AFAP1L2: variants seen among roughly 807,000 people sequenced by gnomAD.
AFAP1L2 encodes the protein actin filament associated protein 1 like 2, also known as actin filament-associated protein 1-like 2.
A neutral mutation model predicts 99.3 loss-of-function variants in AFAP1L2; 46 were observed. That is an observed-to-expected ratio of 0.46 (90% CI 0.37 to 0.59). AFAP1L2 has a LOEUF of 0.59. Ranked by LOEUF, AFAP1L2 falls within the 20% of genes least tolerant of loss-of-function variation. The pLI, the probability that AFAP1L2 is intolerant of heterozygous loss-of-function variation, is 0.00. For missense variants in AFAP1L2, 959 were observed against 1,034.9 expected, an observed-to-expected ratio of 0.93 and a Z score of 1.01; for synonymous variants, 397 against 419.1, an observed-to-expected ratio of 0.95 and a Z score of 0.64.
the AFAP1L2 span, chr10:114,289,478 G>C: frequency 1.2e-6 from 2 of 1,614,080 alleles, no homozygotes; most frequent in African/African-American, 2.7e-5. Flanking sequence ...CTCATTGAGT[G>C]GCTGTGTGGA....
At chr10:114,359,874 C>T (rs1248353589) in intron 1 of AFAP1L2, among the ~76,000 whole-genome samples, 1 of 152,012 alleles carries the variant, frequency 6.6e-6, no homozygotes, top group Non-Finnish European at 1.5e-5. Context: ...TGCCTTGGCC[C>T]CTCCAATCCT....
rs1398189215 is a variant in AFAP1L2 at position 114,300,673 on chromosome 10, T to G, written c.1560A>C (p.Glu520Asp). The change falls in exon 14 of 19, where the codon GAA (glutamate) becomes GAC (aspartate). Residue 520 changes from glutamate (E) to aspartate (D), a missense_variant. By Grantham distance (45) the Glu-to-Asp change is conservative. This residue lies in a region of AFAP1L2 where 576 missense variants were observed against 562.1 expected (regional missense o/e 1.02). Transcript: ENST00000304129. ...TTGGGTCATCTGCAACAGGGGTGGC[T>G]TCCTCGGTAGGCTCCACCTGCAGGA... Reference protein sequence around the residue: ...ELTAAVEPTEEATPVADDPNE... With the variant: ...ELTAAVEPTEDATPVADDPNE... 1.3e-6 allele frequency: 2 copies of G among 1,596,990 alleles called. No homozygotes were observed. Among genetic ancestry groups the G allele is most frequent in the Non-Finnish European group, 1.7e-6 (2 of 1,170,824 alleles).
At chr10:114,296,151 G>T in intron 18 of AFAP1L2, 83 bp from the exon 19 acceptor site, 1 of 1,573,356 alleles carries the variant, frequency 6.4e-7, no homozygotes, top group Non-Finnish European at 8.7e-7. Flanking sequence ...GATATACATA[G>T]AAAAAATGTG....
At position 114,308,451 on chromosome 10, in the gene AFAP1L2, C is replaced by A; in HGVS notation, c.949G>T (p.Val317Phe). Residue 317 changes from valine to phenylalanine, a missense_variant, in exon 9 of 19, where the codon GTC becomes TTC. Physicochemically the swap from Val to Phe is conservative, Grantham distance 50 (BLOSUM62 -1). This residue lies in a region of AFAP1L2 where 383 missense variants were observed against 472.8 expected (regional missense o/e 0.81). Transcript: ENST00000304129. ...ATGTTACCGTCTTTGGTTTCTGGGA[C>A]CTCAGGGTGGCCATCCACGGAGCTC... is the stretch of plus-strand genomic sequence containing the variant. ...YGSSVDGHPEVPETKDVKKKC... is the reference protein window; with the variant it reads ...YGSSVDGHPEFPETKDVKKKC... 1 of 1,614,160 alleles carries A rather than the reference C, an allele frequency of 6.2e-7. No individual in the cohort carries two copies. The highest frequency in any genetic ancestry group is 8.5e-7 in the Non-Finnish European group (1 of 1,180,000).
downstream of AFAP1L2, among the ~76,000 whole-genome samples, chr10:114,294,178 C>CATT (rs1002167591): frequency 2.6e-5 from 4 of 152,136 alleles, no homozygotes; most frequent in Non-Finnish European, 5.9e-5. Context: ...CTGAATTTTT[C>CATT]ATTTGCCAAC....
downstream of AFAP1L2, among the ~76,000 whole-genome samples, chr10:114,293,025 T>TTG (rs1184775655): frequency 6.6e-6 from 1 of 152,218 alleles, no homozygotes; most frequent in Non-Finnish European, 1.5e-5. Flanking sequence ...TTTATAAATA[T>TTG]TGTAACATAA....
intron 1 of AFAP1L2, among the ~76,000 whole-genome samples, chr10:114,354,445 G>A (rs1451536909): frequency 6.6e-6 from 1 of 152,096 alleles, no homozygotes; most frequent in Non-Finnish European, 1.5e-5. Context: ...AATAATGAGT[G>A]GAAATTAATC....
the AFAP1L2 span, among the ~76,000 whole-genome samples, chr10:114,288,743 C>A: frequency 2.6e-5 from 4 of 152,366 alleles, no homozygotes; most frequent in East Asian, 5.8e-4. Flanking sequence ...TGTGGTCTGG[C>A]AGGCACTCAT....
chr10:114,289,302 A>G, the AFAP1L2 span: 1 of 1,614,078 alleles, frequency 6.2e-7, no homozygotes, highest in Non-Finnish European at 8.5e-7. Flanking sequence ...GGAGAGGCGC[A>G]GAGGATGCAG....
chr10:114,286,206 C>T, the AFAP1L2 span: 96 of 1,613,956 alleles, frequency 5.9e-5, no homozygotes, highest in Middle Eastern at 6.6e-4. Flanking sequence ...CCCACCCTGA[C>T]GGGCAGTGCC....
At chr10:114,356,452 A>G (rs2051402760) in intron 1 of AFAP1L2, among the ~76,000 whole-genome samples, 1 of 152,238 alleles carries the variant, frequency 6.6e-6, no homozygotes, top group Non-Finnish European at 1.5e-5. Flanking sequence ...ACATGTTGAA[A>G]TGATGATATT....
intron 4 of AFAP1L2, chr10:114,326,162 G>A (rs1234029047): frequency 3.1e-6 from 2 of 647,042 alleles, no homozygotes; most frequent in African/African-American, 1.9e-5. Context: ...GCCAGGCAGT[G>A]TTTTGTGAGT....
intron 13 of AFAP1L2, 145 bp from the exon 14 acceptor site, chr10:114,300,835 G>C (rs1337433959): frequency 2.8e-5 from 32 of 1,141,236 alleles, no homozygotes; most frequent in Non-Finnish European, 3.4e-5. Flanking sequence ...GCCACTGGCT[G>C]AGTCCTAGAT....
intron 1 of AFAP1L2, among the ~76,000 whole-genome samples, chr10:114,348,719 C>T (rs971280163): frequency 2.6e-5 from 4 of 152,162 alleles, no homozygotes; most frequent in African/African-American, 4.8e-5. Flanking sequence ...ATTCTCAGCC[C>T]GGGCTGCACA....
intron 1 of AFAP1L2, among the ~76,000 whole-genome samples, chr10:114,345,200 C>CGGGGGGGG (rs151233816): frequency 1.4e-5 from 2 of 144,904 alleles, no homozygotes; most frequent in African/African-American, 5.1e-5. Flanking sequence ...CTCTGTGTAT[C>CGGGGGGGG]GGGGGAACAT....
chr10:114,292,982 C>T (rs1450915971), downstream of AFAP1L2, among the ~76,000 whole-genome samples: 1 of 152,236 alleles, frequency 6.6e-6, no homozygotes, highest in Non-Finnish European at 1.5e-5. Context: ...TCTGGGATTA[C>T]AGGGGTGAAC....
chr10:114,298,425 C>A (rs538373968), intron 16 of AFAP1L2, among the ~76,000 whole-genome samples: 1 of 152,294 alleles, frequency 6.6e-6, no homozygotes, highest in South Asian at 2.1e-4. Context: ...CCTTCCCTCA[C>A]CAGTCAGCTG....
intron 1 of AFAP1L2, among the ~76,000 whole-genome samples, chr10:114,361,888 T>C (rs2052482490): frequency 6.6e-6 from 1 of 152,202 alleles, no homozygotes; most frequent in Non-Finnish European, 1.5e-5. Flanking sequence ...CTGCACCTCT[T>C]GGATGAGGCT....
intron 10 of AFAP1L2, 134 bp downstream of exon 10, chr10:114,307,671 G>A (rs1590011643): frequency 1.4e-6 from 1 of 696,146 alleles, no homozygotes; most frequent in South Asian, 1.8e-5. Flanking sequence ...GAACCTGAGG[G>A]CTGCAGGCTC....
Sources: gnomAD v4.1 joint callset for allele counts (sites outside exome capture counted in the v4.1 genomes callset) on GRCh38, gnomAD v4.1.1 for gene constraint, gnomAD v4.1.1 regional missense constraint, MANE v1.5 for transcripts, NCBI Gene and HGNC (gene_info 2026-07-23, HGNC 2026-07-21) for gene names.